Variants in PRICKLE2 observed in about 807,000 individuals in gnomAD.
PRICKLE2 encodes prickle-like protein 2.
A neutral mutation model predicts 81.4 loss-of-function variants in PRICKLE2; 21 were observed. The observed-to-expected ratio is 0.26, with a 90% confidence interval of 0.18 to 0.37. PRICKLE2 has a LOEUF of 0.37. PRICKLE2 is among the 10% of genes least tolerant of loss of function. PRICKLE2 has a pLI of 1.00. For missense variants in PRICKLE2, 940 were observed against 1,109.0 expected, an observed-to-expected ratio of 0.85 and a Z score of 2.16; for synonymous variants, 456 against 421.5, an observed-to-expected ratio of 1.08 and a Z score of -1.00.
chr3:64,205,011 T>A lies in PRICKLE2; in HGVS notation c.-40-6044A>T, dbSNP rs144909133. The stretch of plus-strand genomic sequence containing the variant: ...AAGCTTTTAACCTGAATGAAACATA[T>A]TCGGAAGTGTGTGGGGAAATATATG... On this transcript the variant is annotated intron_variant, in intron 1 of 7. Transcript: ENST00000638394. Among the ~76,000 whole-genome samples the A allele has an allele frequency of 2.6e-3, 400 of 151,834 alleles. 3 individuals carry two copies. The highest frequency in any genetic ancestry group is 9.2e-3 in the African/African-American group (380 of 41,384).
At chr3:64,166,152 T>G (rs190322377) in intron 2 of PRICKLE2, among the ~76,000 whole-genome samples, 137 of 152,270 alleles carry the variant, frequency 9.0e-4, no homozygotes, top group Admixed American at 1.8e-3. Flanking sequence ...CTCTGCTCTC[T>G]TCTCTTCCTG....
intron 2 of PRICKLE2, among the ~76,000 whole-genome samples, chr3:64,248,991 CT>C (rs2079401631): frequency 6.6e-6 from 1 of 152,140 alleles, no homozygotes; most frequent in South Asian, 2.1e-4. Flanking sequence ...GTATTTACTA[CT>C]TTTAAAACTC....
At chr3:64,115,211 G>T (rs2076915552) in intron 7 of PRICKLE2, among the ~76,000 whole-genome samples, 1 of 152,166 alleles carries the variant, frequency 6.6e-6, no homozygotes, top group African/African-American at 2.4e-5. Context: ...TACTTAATTT[G>T]CAAAGGAAAG....
chr3:64,209,461 T>A (rs1193110119), intron 1 of PRICKLE2, among the ~76,000 whole-genome samples: 1 of 151,760 alleles, frequency 6.6e-6, no homozygotes, highest in Non-Finnish European at 1.5e-5. Flanking sequence ...CATCTACCCA[T>A]CCATTCATAT....
intron 7 of PRICKLE2, chr3:64,100,147 A>G: frequency 1.7e-6 from 1 of 575,552 alleles, no homozygotes; most frequent in Admixed American, 3.1e-5. Flanking sequence ...ATGCTTCCAG[A>G]GATGTATTTT....
intron 1 of PRICKLE2, among the ~76,000 whole-genome samples, chr3:64,204,857 C>T: frequency 6.6e-6 from 1 of 151,984 alleles, no homozygotes; most frequent in East Asian, 1.9e-4. Context: ...AACCCAAGGC[C>T]CAGACCCTCA....
chr3:64,185,178 C>T (rs572831836), intron 2 of PRICKLE2, among the ~76,000 whole-genome samples: 2 of 152,296 alleles, frequency 1.3e-5, no homozygotes, highest in African/African-American at 4.8e-5. Flanking sequence ...TCACCAAACA[C>T]TGGATCCAGT....
Position 64,122,322 on chromosome 3 carries a change from C to A in PRICKLE2, c.1661-22397G>T, listed in dbSNP as rs1254694465. ...TCCCCACTAGCCCACCCTTTGCCCC[C>A]AAAAATTCATAACCCAACAGCCAAG... On this transcript the variant is annotated intron_variant, in intron 7 of 7. Coordinates refer to ENST00000638394, the MANE Select transcript of PRICKLE2 (RefSeq NM_198859.4). Among the ~76,000 whole-genome samples the A allele has an allele frequency of 3.9e-5, 6 of 152,138 alleles. No individual in the cohort carries two copies. In the East Asian group the frequency reaches 1.2e-3, roughly 29 times the overall value.
At chr3:64,103,030 A>G (rs760390499) in intron 7 of PRICKLE2, 1 of 152,260 alleles carries the variant, frequency 6.6e-6, no homozygotes, top group Non-Finnish European at 1.5e-5. Context: ...ACAATGGATC[A>G]ATCTACGTAA....
chr3:64,210,225 C>T (rs2078762886), intron 1 of PRICKLE2, among the ~76,000 whole-genome samples: 1 of 152,106 alleles, frequency 6.6e-6, no homozygotes, highest in African/African-American at 2.4e-5. Context: ...TCTTGATACC[C>T]AGACGTCAGC....
intron 2 of PRICKLE2, among the ~76,000 whole-genome samples, chr3:64,176,110 C>G (rs1204076091): frequency 1.3e-5 from 2 of 152,112 alleles, no homozygotes; most frequent in East Asian, 1.9e-4. Context: ...GGATCAACAA[C>G]ATTTAAAGAG....
At chr3:64,250,583 AG>A (rs1238785939) in intron 2 of PRICKLE2, among the ~76,000 whole-genome samples, 2 of 152,172 alleles carry the variant, frequency 1.3e-5, no homozygotes, top group African/African-American at 4.8e-5. Flanking sequence ...TTTGGTGGAG[AG>A]GGCATTGATA....
At chr3:64,240,262 C>A (rs1460541288) in intron 2 of PRICKLE2, among the ~76,000 whole-genome samples, 1 of 152,070 alleles carries the variant, frequency 6.6e-6, no homozygotes, top group Admixed American at 6.6e-5. Context: ...ATTGACCAGG[C>A]CAAGGAAAAC....
intron 2 of PRICKLE2, among the ~76,000 whole-genome samples, chr3:64,191,776 G>C (rs1474944850): frequency 1.3e-5 from 2 of 152,236 alleles, no homozygotes; most frequent in African/African-American, 2.4e-5. Flanking sequence ...GAGTAGTAGA[G>C]AGATTTGCCT....
intron 1 of PRICKLE2, among the ~76,000 whole-genome samples, chr3:64,215,692 G>A (rs1450380308): frequency 6.6e-6 from 1 of 152,082 alleles, no homozygotes; most frequent in Non-Finnish European, 1.5e-5. Context: ...GTAGTGTTTG[G>A]CCAAGATCAC....
intron 5 of PRICKLE2, chr3:64,154,843 T>C (rs936253431): frequency 4.6e-5 from 7 of 152,024 alleles, no homozygotes; most frequent in Admixed American, 2.0e-4. Flanking sequence ...AAATCACTCT[T>C]ACAACTCAAT....
chr3:64,179,873 C>T (rs10510912), intron 2 of PRICKLE2, among the ~76,000 whole-genome samples: 17,615 of 152,180 alleles, frequency 0.12, 1,224 homozygotes, highest in East Asian at 0.21. Context: ...GACTTCAAAG[C>T]TCATTCTCTA....
intron 7 of PRICKLE2, among the ~76,000 whole-genome samples, chr3:64,124,002 C>A (rs775446490): frequency 4.6e-5 from 7 of 152,188 alleles, no homozygotes; most frequent in Non-Finnish European, 7.4e-5. Context: ...AAAGTCAAGA[C>A]AGGCCAAAAG....
In PRICKLE2 at chr3:64,099,028, C is replaced by T; in HGVS notation, c.*23G>A. ...TTTACATTCTTAGCTCCCATCTTCT[C>T]CCATTCCCTGATCCCAATCATATTA... On this transcript the variant is annotated 3_prime_UTR_variant, in exon 8 of 8. Coordinates refer to ENST00000638394, the MANE Select transcript of PRICKLE2 (RefSeq NM_198859.4). The surrounding 1 kb of genome is among the most constrained non-coding windows in gnomAD (Gnocchi z 4.3). 6.2e-7 allele frequency: 1 copy of T among 1,613,850 alleles called. No homozygotes were observed. Among genetic ancestry groups the T allele is most frequent in the Non-Finnish European group, 8.5e-7 (1 of 1,179,768 alleles).
Sources: allele counts gnomAD v4.1 joint callset (sites outside exome capture counted in the v4.1 genomes callset), GRCh38; gene constraint gnomAD v4.1.1; non-coding constraint Gnocchi (gnomAD v3.1); transcripts MANE v1.5; gene names NCBI Gene and HGNC (gene_info 2026-07-23, HGNC 2026-07-21).